The following HS2ST1 variants were observed in gnomAD, a reference collection of about 807,000 sequenced individuals.
HS2ST1 encodes the protein 2-O-sulfotransferase.
In HS2ST1, 18 loss-of-function variants were observed where a neutral mutation model predicts 42.9. The ratio of observed to expected loss-of-function variants is 0.42; its 90% CI spans 0.29 to 0.62. The LOEUF is 0.62. Among genes scored for constraint, HS2ST1 ranks in the 20% least tolerant of loss-of-function variants. HS2ST1 has a pLI of 0.21. For synonymous variants in HS2ST1, 146 were observed against 152.9 expected, an observed-to-expected ratio of 0.95 and a Z score of 0.33; for missense variants, 334 against 433.8, an observed-to-expected ratio of 0.77 and a Z score of 2.04.
chr1:87,075,418 A>G (rs542656784), intron 2 of HS2ST1, among the ~76,000 whole-genome samples: 8 of 152,068 alleles, frequency 5.3e-5, no homozygotes, highest in Admixed American at 5.2e-4. Flanking sequence ...CCGCCCACCT[A>G]GGCCTCCCAA....
At chr1:87,058,983 C>T (rs950232280) in intron 1 of HS2ST1, among the ~76,000 whole-genome samples, 1 of 151,708 alleles carries the variant, frequency 6.6e-6, no homozygotes, top group African/African-American at 2.4e-5. Context: ...GGCGTGAACC[C>T]AGGAGGCAGA....
At chr1:86,960,434 G>A (rs1647804089) in intron 1 of HS2ST1, among the ~76,000 whole-genome samples, 1 of 152,132 alleles carries the variant, frequency 6.6e-6, no homozygotes, top group South Asian at 2.1e-4. Flanking sequence ...ACGTTGTTAA[G>A]TTGGACTTCG....
intron 1 of HS2ST1, among the ~76,000 whole-genome samples, chr1:86,915,563 G>C (rs999132890): frequency 6.6e-6 from 1 of 152,198 alleles, no homozygotes; most frequent in African/African-American, 2.4e-5. Context: ...CAGATGAGGG[G>C]TATTCTAATT....
chr1:86,936,443 G>A (rs1278108465), intron 1 of HS2ST1, among the ~76,000 whole-genome samples: 1 of 152,030 alleles, frequency 6.6e-6, no homozygotes, highest in East Asian at 1.9e-4. Context: ...ATTATTAGTT[G>A]ATTTCTCTAA....
At chr1:86,938,660 G>T (rs1249382115) in intron 1 of HS2ST1, among the ~76,000 whole-genome samples, 7 of 152,110 alleles carry the variant, frequency 4.6e-5, no homozygotes, top group Admixed American at 4.6e-4. Context: ...GTGAATGTTG[G>T]CAGGTGTTCA....
At chr1:86,992,459 C>G (rs112666271) in intron 1 of HS2ST1, among the ~76,000 whole-genome samples, 1 of 151,942 alleles carries the variant, frequency 6.6e-6, no homozygotes, top group Non-Finnish European at 1.5e-5. Flanking sequence ...CTCCACCTCC[C>G]GGGTCCAAGA....
At chr1:87,056,325 T>C (rs147354299) in intron 1 of HS2ST1, among the ~76,000 whole-genome samples, 81 of 152,334 alleles carry the variant, frequency 5.3e-4, no homozygotes, top group African/African-American at 1.9e-3. Flanking sequence ...CAGATGTGGC[T>C]GCCCAGTCTT....
intron 1 of HS2ST1, 41 bp downstream of exon 1, chr1:86,915,201 G>T (rs770907665): frequency 6.4e-7 from 1 of 1,568,722 alleles, no homozygotes; most frequent in Non-Finnish European, 8.6e-7. Context: ...CTGTGGAAGG[G>T]GCCGAGGAGG....
chr1:87,094,019 G>C (rs1251722442), intron 4 of HS2ST1, among the ~76,000 whole-genome samples: 4 of 152,008 alleles, frequency 2.6e-5, no homozygotes, highest in African/African-American at 9.7e-5. Flanking sequence ...TTATTGTGGA[G>C]ATTCTGCGAA....
intron 6 of HS2ST1, among the ~76,000 whole-genome samples, chr1:87,104,264 T>C (rs1488102852): frequency 6.6e-6 from 1 of 152,178 alleles, no homozygotes; most frequent in African/African-American, 2.4e-5. Flanking sequence ...ATTAAGTCTT[T>C]ACTAGGTTAA....
intron 1 of HS2ST1, among the ~76,000 whole-genome samples, chr1:86,915,737 G>A (rs771280695): frequency 2.6e-5 from 4 of 152,200 alleles, no homozygotes; most frequent in Non-Finnish European, 4.4e-5. Context: ...TGCCAGCTGA[G>A]GGAGGCTGGC....
Position 87,104,783 on chromosome 1 carries a change from A to G in HS2ST1, c.*87A>G, listed in dbSNP as rs1652294069. ...CAGCTCCACAGTCTGGATTGCTGAC[A>G]GTAGGTGTATATGACAATTTGTATT... On this transcript the variant is annotated 3_prime_UTR_variant, in exon 7 of 7. Transcript: ENST00000370550. The G allele has an allele frequency of 6.4e-6, 5 of 781,472 alleles. No homozygotes were observed. The East Asian group carries it at 1.3e-4, about 20-fold the overall frequency. The allele number at this position is 781,472 out of a possible 1,614,324, so 48.4% of individuals were successfully genotyped here.
chr1:87,009,927 CG>C (rs1466475099), intron 1 of HS2ST1, among the ~76,000 whole-genome samples: 1 of 151,282 alleles, frequency 6.6e-6, no homozygotes, highest in Non-Finnish European at 1.5e-5. Flanking sequence ...CCCAGCTACT[CG>C]GGAGGCTGAG....
intron 1 of HS2ST1, among the ~76,000 whole-genome samples, chr1:86,986,538 T>C (rs187325778): frequency 1.3e-5 from 2 of 152,352 alleles, no homozygotes; most frequent in African/African-American, 4.8e-5. Flanking sequence ...ATTAAGGTTG[T>C]TAATTAGGTA....
At chr1:86,924,899 C>T (rs1025741112) in intron 1 of HS2ST1, among the ~76,000 whole-genome samples, 1 of 152,190 alleles carries the variant, frequency 6.6e-6, no homozygotes, top group Non-Finnish European at 1.5e-5. Flanking sequence ...TATGCAATTT[C>T]TTCAGTGGGC....
At chr1:87,029,283 A>G (rs1172024134) in intron 1 of HS2ST1, among the ~76,000 whole-genome samples, 3 of 152,162 alleles carry the variant, frequency 2.0e-5, no homozygotes, top group African/African-American at 7.2e-5. Flanking sequence ...TTCTTTTAAT[A>G]GTGTCATGTG....
chr1:87,048,583 C>T (rs1042752272), intron 1 of HS2ST1, among the ~76,000 whole-genome samples: 18 of 145,996 alleles, frequency 1.2e-4, no homozygotes, highest in African/African-American at 4.2e-4. Flanking sequence ...CCCAGTTTGC[C>T]GAGATTTTTA....
At chr1:86,973,687 T>C (rs12401907) in intron 1 of HS2ST1, among the ~76,000 whole-genome samples, 3 of 152,334 alleles carry the variant, frequency 2.0e-5, no homozygotes, top group Non-Finnish European at 4.4e-5. Context: ...TTAATTTTTT[T>C]CCCAAAACCT....
chr1:86,952,887 TAA>T (rs1647565466), intron 1 of HS2ST1, among the ~76,000 whole-genome samples: 1 of 152,236 alleles, frequency 6.6e-6, no homozygotes, highest in Admixed American at 6.5e-5. Context: ...GGCTTCAACT[TAA>T]AGTCACTAGC....
Sources: allele counts gnomAD v4.1 joint callset (sites outside exome capture counted in the v4.1 genomes callset), GRCh38; gene constraint gnomAD v4.1.1; transcripts MANE v1.5; gene names NCBI Gene and HGNC (gene_info 2026-07-23, HGNC 2026-07-21).